Variants in ABCA13 observed in about 807,000 individuals in gnomAD.
The protein encoded by ABCA13 is ATP-binding cassette sub-family A member 13.
Under a neutral mutation model 478.7 loss-of-function variants are expected in ABCA13, and 476 were observed. The observed-to-expected ratio is 0.99, with a 90% CI of 0.92 to 1.07. The LOEUF (loss-of-function observed/expected upper bound fraction) is 1.07. Ranked by LOEUF, ABCA13 falls within the 50% of genes least tolerant of loss-of-function variation. The pLI, the probability that ABCA13 is intolerant of heterozygous loss-of-function variation, is 0.00. For missense variants in ABCA13, 6,060 were observed against 5,910.6 expected (o/e 1.03, Z -0.83); for synonymous variants, 2,252 against 2,158.9 (o/e 1.04, Z -1.20).
rs146480021 is a variant in ABCA13 at position 48,587,216 on chromosome 7, C to T, written c.14568C>T (p.Thr4856=). The change falls in exon 57 of 62, where the codon ACC becomes ACT. Residue 4856 remains threonine (T), a synonymous_variant. Coordinates refer to ENST00000435803, the MANE Select transcript of ABCA13 (RefSeq NM_152701.5). ...CCCACGCGGACAAACCTGTGGCCAC[C>T]TACAGTGGGGGAACCAAGCGGAAAC... ...LEAHADKPVA[T]YSGGTKRKLS... 6 of 1,612,896 alleles carry T rather than the reference C, an allele frequency of 3.7e-6. No individual in the cohort carries two copies. The East Asian group carries it at 1.3e-4, about 36-fold the overall frequency.
rs1198064328 is a variant in ABCA13, at chr7:48,273,626, T to A, written c.3960T>A (p.Phe1320Leu). Residue 1320 changes from phenylalanine to leucine, a missense_variant, in exon 17 of 62, where the codon TTT (phenylalanine) becomes TTA (leucine). Phe to Leu is a conservative substitution (Grantham distance 22, BLOSUM62 0). Around this residue, in one of 3 missense-constraint regions of ABCA13, gnomAD observed 4,423 missense variants for 4,309.1 expected, o/e 1.03. Transcript: ENST00000435803. Reference sequence around the variant, plus strand: ...ATCTCACAAATTATGGAGAAAAATTTGAAAATATCATCACTGAGCTAAGAG... The same window carrying A: ...ATCTCACAAATTATGGAGAAAAATTAGAAAATATCATCACTGAGCTAAGAG... Reference protein sequence around the residue: ...SNNLTNYGEKFENIITELREA... With the variant: ...SNNLTNYGEKLENIITELREA... 3 of 1,603,070 alleles carry A rather than the reference T, an allele frequency of 1.9e-6. No individual in the cohort carries two copies. Among genetic ancestry groups the A allele is most frequent in the South Asian group, 2.2e-5 (2 of 89,556 alleles).
At chr7:48,503,160 C>T (rs1301934203) in intron 48 of ABCA13, among the ~76,000 whole-genome samples, 4 of 152,152 alleles carry the variant, frequency 2.6e-5, no homozygotes, top group Non-Finnish European at 4.4e-5. Context: ...AATCATGGTT[C>T]ACTGCAGCCT....
intron 5 of ABCA13, among the ~76,000 whole-genome samples, chr7:48,226,294 G>A (rs1788200000): frequency 6.6e-6 from 1 of 152,102 alleles, no homozygotes; most frequent in Admixed American, 6.5e-5. Context: ...ATGCCGAAAA[G>A]CATGGTAGTG....
intron 59 of ABCA13, among the ~76,000 whole-genome samples, chr7:48,628,480 G>A (rs115959005): frequency 7.4e-4 from 112 of 152,238 alleles, no homozygotes; most frequent in African/African-American, 2.2e-3. Context: ...CCTGTGAAGC[G>A]GAGCAATAAC....
intron 3 of ABCA13, among the ~76,000 whole-genome samples, chr7:48,204,450 A>T (rs1784654754): frequency 6.6e-6 from 1 of 152,086 alleles, no homozygotes; most frequent in Non-Finnish European, 1.5e-5. Context: ...ACCTCAGGCG[A>T]TCTGCCCCCC....
At chr7:48,444,531 C>T (rs13221900) in intron 42 of ABCA13, among the ~76,000 whole-genome samples, 45,216 of 151,974 alleles carry the variant, frequency 0.3, 6,798 homozygotes, top group East Asian at 0.38. Flanking sequence ...CTTGTTTTCC[C>T]CTGAGTACTT....
rs1304609330 is a variant in ABCA13 at position 48,461,245 on chromosome 7, A to G, written c.12816-5711A>G. On this transcript the variant is annotated intron_variant, in intron 43 of 61. Coordinates refer to ENST00000435803, the MANE Select transcript of ABCA13 (RefSeq NM_152701.5). ...CCTTTTTTCTGGCAGAATAACATAC[A>G]AAGTGCTGGCTGCCCCTCTGATCTC... Among the ~76,000 whole-genome samples the G allele has an allele frequency of 2.0e-5, 3 of 152,292 alleles. No individual in the cohort carries two copies. In the East Asian group the frequency reaches 5.8e-4, roughly 29 times the overall value.
intron 1 of ABCA13, among the ~76,000 whole-genome samples, chr7:48,182,979 G>A (rs1362814480): frequency 6.6e-6 from 1 of 152,162 alleles, no homozygotes; most frequent in African/African-American, 2.4e-5. Flanking sequence ...CTTTTGAGAG[G>A]TTGGCATCTA....
intron 55 of ABCA13, among the ~76,000 whole-genome samples, chr7:48,555,805 C>T (rs1183034066): frequency 2.0e-5 from 3 of 151,244 alleles, no homozygotes; most frequent in African/African-American, 7.3e-5. Context: ...CTTTATTTCA[C>T]ATTCATTTAT....
At chr7:48,523,703 AT>A (rs1832708524) in intron 53 of ABCA13, among the ~76,000 whole-genome samples, 3 of 152,152 alleles carry the variant, frequency 2.0e-5, no homozygotes, top group Non-Finnish European at 4.4e-5. Flanking sequence ...AGCAGCTCAG[AT>A]TTAGAGAAAA....
At chr7:48,403,566 G>T (rs557181449) in intron 38 of ABCA13, 117 bp from the exon 39 acceptor site, 10 of 1,024,444 alleles carry the variant, frequency 9.8e-6, no homozygotes, top group Admixed American at 4.3e-5. Context: ...ACACCTCTGT[G>T]ATATATTTGT....
intron 35 of ABCA13, among the ~76,000 whole-genome samples, chr7:48,381,364 T>TACACATACACACACAC (rs1188273128): frequency 5.4e-5 from 8 of 149,002 alleles, no homozygotes; most frequent in African/African-American, 2.0e-4. Flanking sequence ...GTCACACACA[T>TACACATACACACACAC]ACACATACAC....
At chr7:48,289,770 A>G (rs1029770949) in intron 20 of ABCA13, among the ~76,000 whole-genome samples, 7 of 152,222 alleles carry the variant, frequency 4.6e-5, no homozygotes, top group African/African-American at 1.4e-4. Flanking sequence ...TCAAATTGTT[A>G]TATGATTGTC....
In ABCA13 at chr7:48,276,342, A is replaced by G. The variant is rs1446468287; in HGVS notation, c.6676A>G (p.Asn2226Asp). 7.1e-6 allele frequency: 11 copies of G among 1,558,182 alleles called. No individual in the cohort carries two copies. The highest frequency in any genetic ancestry group is 9.6e-6 in the Non-Finnish European group (11 of 1,150,322). The stretch of plus-strand genomic sequence containing the variant: ...TGGGAATTCTCAGGAAGCAGCTTGG[A>G]ACTTAAATGATACTGACCTTCAAAT... ...LAGNSQEAAW[N>D]LNDTDLQIMN... The change falls in exon 17 of 62, where the codon AAC becomes GAC. Residue 2226 changes from asparagine to aspartate, a missense_variant. This residue lies in a region of ABCA13 where 4,423 missense variants were observed against 4,309.1 expected (regional missense o/e 1.03). Transcript: ENST00000435803.
intron 55 of ABCA13, among the ~76,000 whole-genome samples, chr7:48,531,639 C>A (rs1233219840): frequency 6.6e-6 from 1 of 151,354 alleles, no homozygotes; most frequent in Non-Finnish European, 1.5e-5. Flanking sequence ...GGATGTGTTT[C>A]CATTTGTTTG....
intron 58 of ABCA13, among the ~76,000 whole-genome samples, chr7:48,614,955 C>T (rs2131563277): frequency 6.7e-6 from 1 of 149,452 alleles, no homozygotes. Flanking sequence ...TTAATGGGTG[C>T]AGCACACCAG....
At chr7:48,570,815 T>TA (rs1787572147) in intron 55 of ABCA13, among the ~76,000 whole-genome samples, 1 of 152,188 alleles carries the variant, frequency 6.6e-6, no homozygotes, top group African/African-American at 2.4e-5. Context: ...ATTGAGATGG[T>TA]AAAATTGGTT....
intron 40 of ABCA13, among the ~76,000 whole-genome samples, chr7:48,411,049 T>TCTTTTTC (rs1819060975): frequency 1.5e-5 from 1 of 64,936 alleles, no homozygotes; most frequent in African/African-American, 5.1e-5. Context: ...CTTTCTTTCT[T>TCTTTTTC]TTTCTTTCTT....
chr7:48,302,055 T>G (rs1056999728), intron 23 of ABCA13, among the ~76,000 whole-genome samples: 2 of 152,200 alleles, frequency 1.3e-5, no homozygotes, highest in African/African-American at 4.8e-5. Flanking sequence ...GCATTTCTCT[T>G]CTTTCACAGA....
Sources: allele counts gnomAD v4.1 joint callset (sites outside exome capture counted in the v4.1 genomes callset), GRCh38; gene constraint gnomAD v4.1.1; regional missense constraint gnomAD v4.1.1; transcripts MANE v1.5; gene names NCBI Gene and HGNC (gene_info 2026-07-23, HGNC 2026-07-21).